TRIM44: variants seen among roughly 807,000 people sequenced by gnomAD.
The protein encoded by TRIM44 is tripartite motif-containing protein 44.
In TRIM44, 13 loss-of-function variants were observed where a neutral mutation model predicts 37.4. That is an observed-to-expected ratio of 0.35 (90% CI 0.23 to 0.55). The LOEUF (loss-of-function observed/expected upper bound fraction) is 0.55. Among genes scored for constraint, TRIM44 ranks in the 20% least tolerant of loss-of-function variants. TRIM44 has a pLI of 0.89. For synonymous variants in TRIM44, 175 were observed against 157.2 expected, an observed-to-expected ratio of 1.11 and a Z score of -0.85; for missense variants, 426 against 437.2, an observed-to-expected ratio of 0.97 and a Z score of 0.23.
At position 35,663,259 on chromosome 11, in the gene TRIM44, C is replaced by CAGA; in HGVS notation, c.151_153dup (p.Lys51dup). 1 of 1,611,986 alleles carries CAGA rather than the reference C, an allele frequency of 6.2e-7. No homozygotes were observed. Among genetic ancestry groups the CAGA allele is most frequent in the South Asian group, 1.1e-5 (1 of 91,018 alleles). On this transcript the variant is annotated inframe_insertion, in exon 1 of 5. Transcript: ENST00000299413. ...CCGCCGCCATGCCGAGGCGCACAGG[C>CAGA]AGAAGTTCCTCAGTCACCATCTGGC... is the stretch of plus-strand genomic sequence containing the variant.
intron 4 of TRIM44, among the ~76,000 whole-genome samples, chr11:35,745,943 A>T (rs1308129070): frequency 6.6e-6 from 1 of 152,216 alleles, no homozygotes; most frequent in Non-Finnish European, 1.5e-5. Context: ...CATTATAAAA[A>T]AAAAAGTTGA....
In TRIM44 at chr11:35,662,888, C is replaced by G. The variant is rs1447959746; in HGVS notation, c.-224C>G. 2.6e-4 allele frequency: 169 copies of G among 638,348 alleles called. 1 individual carries two copies. The highest frequency in any genetic ancestry group is 3.1e-5 in the Non-Finnish European group (14 of 451,528). The allele number at this position is 638,348 out of a possible 1,614,324, so 39.5% of individuals were successfully genotyped here. On this transcript the variant is annotated 5_prime_UTR_variant, in exon 1 of 5. Coordinates refer to ENST00000299413, the MANE Select transcript of TRIM44 (RefSeq NM_017583.6). ...GAAGTGCCTTGCGCGGCAGAGGAAGCGCAGGGACAGAGCGGAGCAGGCCGA... is the reference window on the plus strand; with the variant it reads ...GAAGTGCCTTGCGCGGCAGAGGAAGGGCAGGGACAGAGCGGAGCAGGCCGA...
intron 4 of TRIM44, among the ~76,000 whole-genome samples, chr11:35,759,945 G>A (rs1398247812): frequency 6.6e-6 from 1 of 152,200 alleles, no homozygotes; most frequent in Non-Finnish European, 1.5e-5. Context: ...CGGGGTTCAG[G>A]GACCCACTTG....
At chr11:35,708,212 A>G (rs1590528790) in intron 2 of TRIM44, among the ~76,000 whole-genome samples, 2 of 152,294 alleles carry the variant, frequency 1.3e-5, no homozygotes, top group Admixed American at 6.5e-5. Context: ...ATGAGATACC[A>G]TCTCACACCA....
intron 1 of TRIM44, among the ~76,000 whole-genome samples, chr11:35,669,187 GTTTGAT>G (rs1342830922): frequency 3.3e-5 from 5 of 152,168 alleles, no homozygotes; most frequent in African/African-American, 4.8e-5. Context: ...GAGGATTCGA[GTTTGAT>G]TCTGCTAAGG....
At chr11:35,741,848 ACTAAGACT>A (rs1852401089) in intron 4 of TRIM44, among the ~76,000 whole-genome samples, 1 of 152,228 alleles carries the variant, frequency 6.6e-6, no homozygotes, top group South Asian at 2.1e-4. Flanking sequence ...TATGGATATA[ACTAAGACT>A]TTGTTCCTGC....
chr11:35,747,995 C>A (rs756518818), intron 4 of TRIM44, among the ~76,000 whole-genome samples: 2 of 152,152 alleles, frequency 1.3e-5, no homozygotes, highest in African/African-American at 2.4e-5. Context: ...GCCCAGCATG[C>A]TACTAGCTTT....
intron 2 of TRIM44, among the ~76,000 whole-genome samples, chr11:35,698,106 C>T (rs529077497): frequency 6.6e-6 from 1 of 152,144 alleles, no homozygotes; most frequent in Admixed American, 6.5e-5. Context: ...CACATCCTCT[C>T]CAGCACCTGT....
chr11:35,784,315 A>G lies in TRIM44; in HGVS notation c.1008-22043A>G, dbSNP rs1853101079. Among the ~76,000 whole-genome samples the G allele has an allele frequency of 1.3e-5, 2 of 152,192 alleles. 1 individual carries two copies. Among genetic ancestry groups the G allele is most frequent in the South Asian group, 4.1e-4 (2 of 4,824 alleles). On this transcript the variant is annotated intron_variant, in intron 4 of 4. Transcript: ENST00000299413. The stretch of plus-strand genomic sequence containing the variant: ...TACTATTTCTGAGGCTTGAGATCTG[A>G]GCAGCTAAAGGGTAAGATAACTTGT...
chr11:35,671,034 TGG>T (rs1332848299), intron 1 of TRIM44, among the ~76,000 whole-genome samples: 1 of 152,210 alleles, frequency 6.6e-6, no homozygotes, highest in African/African-American at 2.4e-5. Flanking sequence ...AGTGGGATGA[TGG>T]GCAAAAGAAG....
chr11:35,695,130 A>C (rs1268772830), intron 2 of TRIM44, among the ~76,000 whole-genome samples: 1 of 152,130 alleles, frequency 6.6e-6, no homozygotes, highest in Non-Finnish European at 1.5e-5. Flanking sequence ...CTATTTTAGC[A>C]ATTTGTAAGT....
chr11:35,742,584 T>G (rs1329002987), intron 4 of TRIM44, among the ~76,000 whole-genome samples: 1 of 132,856 alleles, frequency 7.5e-6, no homozygotes, highest in African/African-American at 2.9e-5. Context: ...ATTAATTATA[T>G]TAATTGTATT....
chr11:35,664,363 C>T (rs1851310052), intron 1 of TRIM44, among the ~76,000 whole-genome samples: 2 of 152,248 alleles, frequency 1.3e-5, no homozygotes, highest in African/African-American at 4.8e-5. Context: ...CCCATGTCCT[C>T]TGTCTGGATC....
chr11:35,742,173 G>T (rs1056076385), intron 4 of TRIM44, among the ~76,000 whole-genome samples: 5 of 151,586 alleles, frequency 3.3e-5, no homozygotes, highest in African/African-American at 9.7e-5. Flanking sequence ...GAACTACTGG[G>T]GTCAAGTGAT....
intron 4 of TRIM44, among the ~76,000 whole-genome samples, chr11:35,742,839 CATT>C (rs1455238682): frequency 1.4e-5 from 2 of 142,016 alleles, no homozygotes; most frequent in African/African-American, 5.2e-5. Context: ...ACATTAATAT[CATT>C]AATATATTAT....
At chr11:35,774,588 T>G (rs1852925130) in intron 4 of TRIM44, among the ~76,000 whole-genome samples, 1 of 151,632 alleles carries the variant, frequency 6.6e-6, no homozygotes, top group African/African-American at 2.4e-5. Flanking sequence ...CTTCTAGGGT[T>G]TTTTGGTTTT....
intron 4 of TRIM44, among the ~76,000 whole-genome samples, chr11:35,793,894 CA>C (rs1314768940): frequency 5.3e-5 from 8 of 152,084 alleles, no homozygotes; most frequent in Admixed American, 6.5e-5. Context: ...TGCTGTTACA[CA>C]GGGTTATTAT....
chr11:35,796,450 A>C (rs536019446), intron 4 of TRIM44, among the ~76,000 whole-genome samples: 61 of 152,358 alleles, frequency 4.0e-4, no homozygotes, highest in African/African-American at 1.4e-3. Flanking sequence ...CTTATGTTTA[A>C]GATTTCTATG....
At chr11:35,702,561 T>C (rs1026557605) in intron 2 of TRIM44, among the ~76,000 whole-genome samples, 3 of 152,216 alleles carry the variant, frequency 2.0e-5, no homozygotes, top group Non-Finnish European at 4.4e-5. Flanking sequence ...TGTGAAGTGA[T>C]GTTACAGCAG....
Sources: allele counts gnomAD v4.1 joint callset (sites outside exome capture counted in the v4.1 genomes callset), GRCh38; gene constraint gnomAD v4.1.1; transcripts MANE v1.5; gene names NCBI Gene and HGNC (gene_info 2026-07-23, HGNC 2026-07-21).